The following CEND1 variants were observed in gnomAD, a reference collection of about 807,000 sequenced individuals.
The protein encoded by CEND1 is cell cycle exit and neuronal differentiation protein 1.
A neutral mutation model predicts 4.4 loss-of-function variants in CEND1; 1 was observed. The observed-to-expected ratio is 0.23, with a 90% CI of 0.08 to 1.09. The LOEUF is 1.09. Ranked by LOEUF, CEND1 falls within the 50% of genes least tolerant of loss-of-function variation. The pLI, the probability that CEND1 is intolerant of heterozygous loss-of-function variation, is 0.55. For missense variants in CEND1, 213 were observed against 201.2 expected (o/e 1.06, Z -0.35); for synonymous variants, 109 against 93.0 (o/e 1.17, Z -0.99).
In CEND1 at chr11:788,232, A is replaced by G. The variant is rs777642486; in HGVS notation, c.345T>C (p.Gly115=). The G allele has an allele frequency of 6.8e-6, 11 of 1,609,188 alleles. No homozygotes were observed. The highest frequency in any genetic ancestry group is 9.3e-6 in the Non-Finnish European group (11 of 1,178,568). Residue 115 remains glycine (G), a synonymous_variant, in exon 2 of 2, where the codon GGT becomes GGC. Coordinates refer to ENST00000330106, the MANE Select transcript of CEND1 (RefSeq NM_016564.4). ...EAASGGPGGR[G]PWSCENFNPL... ...GGTTGAAGTTCTCACAGGACCAGGG[A>G]CCTCGGCCCCCAGGCCCCCCACTGG...
rs760194067 is a variant in CEND1 at position 788,426 on chromosome 11, G to T, written c.151C>A (p.Pro51Thr). The change falls in exon 2 of 2, where the codon CCG (proline) becomes ACG (threonine). Residue 51 changes from proline (P) to threonine (T), a missense_variant. Pro to Thr is a conservative substitution (Grantham distance 38). Coordinates refer to ENST00000330106, the MANE Select transcript of CEND1 (RefSeq NM_016564.4). ...KKEAPAEKQQ[P>T]PAAPTTAPAK... ...GGTGCCGTGGTGGGGGCTGCTGGCG[G>T]CTGCTGCTTCTCGGCCGGGGCCTCC... 1.3e-6 allele frequency: 2 copies of T among 1,584,196 alleles called. No individual in the cohort carries two copies. Among genetic ancestry groups the T allele is most frequent in the Non-Finnish European group, 1.7e-6 (2 of 1,162,302 alleles).
intron 1 of CEND1, 106 bp from the exon 2 acceptor site, chr11:788,764 A>T: frequency 2.2e-6 from 1 of 455,800 alleles, no homozygotes; most frequent in East Asian, 3.4e-5. Flanking sequence ...GACTCTCTGG[A>T]GCCCCAGCTC....
In CEND1 at chr11:787,987, C is replaced by T. The variant is rs909756170; in HGVS notation, c.*140G>A. On this transcript the variant is annotated 3_prime_UTR_variant, in exon 2 of 2. Transcript: ENST00000330106. Reference sequence around the variant, plus strand: ...GGGTGGGCTCGGGCGTCCTCTTCACCGTGCGCGTGTGTTGGGGGCGTATGT... The same window carrying T: ...GGGTGGGCTCGGGCGTCCTCTTCACTGTGCGCGTGTGTTGGGGGCGTATGT... 9 of 633,598 alleles carry T rather than the reference C, an allele frequency of 1.4e-5. No individual in the cohort carries two copies. Among genetic ancestry groups the T allele is most frequent in the Non-Finnish European group, 1.7e-5 (7 of 416,520 alleles). The allele number at this position is 633,598 out of a possible 1,614,324, so 39.2% of individuals were successfully genotyped here.
Position 787,997 on chromosome 11 carries a change from T to G in CEND1, c.*130A>C. 1.5e-6 allele frequency: 1 copy of G among 676,044 alleles called. No individual in the cohort carries two copies. Among genetic ancestry groups the G allele is most frequent in the Non-Finnish European group, 2.2e-6 (1 of 451,170 alleles). 41.9% of individuals were successfully genotyped at this position (676,044 alleles called of 1,614,324 possible). A position where few individuals can be genotyped will look rare whatever the true frequency, so the allele number is the denominator to read the frequency against. ...GGGCGTCCTCTTCACCGTGCGCGTG[T>G]GTTGGGGGCGTATGTAGGTGTGTAA... On this transcript the variant is annotated 3_prime_UTR_variant, in exon 2 of 2. Coordinates refer to ENST00000330106, the MANE Select transcript of CEND1 (RefSeq NM_016564.4).
chr11:787,767 C>T lies in CEND1; in HGVS notation c.*360G>A, dbSNP rs978492305. 5 of 180,884 alleles carry T rather than the reference C, an allele frequency of 2.8e-5. No homozygotes were observed. The highest frequency in any genetic ancestry group is 1.9e-4 in the South Asian group (1 of 5,168). 11.2% of individuals were successfully genotyped at this position (180,884 alleles called of 1,614,324 possible). A position where few individuals can be genotyped will look rare whatever the true frequency, so the allele number is the denominator to read the frequency against. On this transcript the variant is annotated 3_prime_UTR_variant, in exon 2 of 2. Coordinates refer to ENST00000330106, the MANE Select transcript of CEND1 (RefSeq NM_016564.4). The stretch of plus-strand genomic sequence containing the variant: ...GGCCGGGCCCAGGCCCAACCCATCC[C>T]GGCACCCCCACCTGCACTCAGACCA...
In CEND1 at chr11:788,347, T is replaced by G. The variant is rs1864385445; in HGVS notation, c.230A>C (p.Asn77Thr). Reference protein sequence around the residue: ...ADPALLNNHSNLKPAPTVPSS... With the variant: ...ADPALLNNHSTLKPAPTVPSS... The stretch of plus-strand genomic sequence containing the variant: ...GGGGACCGTGGGGGCTGGCTTCAGG[T>G]TGCTGTGGTTGTTGAGAAGGGCAGG... The change falls in exon 2 of 2, where the codon AAC becomes ACC. Residue 77 changes from asparagine to threonine, a missense_variant. Physicochemically the swap from Asn to Thr is moderately conservative, Grantham distance 65. Transcript: ENST00000330106. The G allele has an allele frequency of 6.2e-7, 1 of 1,602,790 alleles. No individual in the cohort carries two copies. Among genetic ancestry groups the G allele is most frequent in the African/African-American group, 1.3e-5 (1 of 74,550 alleles).
chr11:789,125 C>T (rs1289547410), intron 1 of CEND1, among the ~76,000 whole-genome samples: 1 of 152,068 alleles, frequency 6.6e-6, no homozygotes, highest in African/African-American at 2.4e-5. Flanking sequence ...AGCACGGAGG[C>T]TGTGACCTGG....
chr11:788,914 T>C (rs1864399031), intron 1 of CEND1, among the ~76,000 whole-genome samples: 1 of 151,950 alleles, frequency 6.6e-6, no homozygotes, highest in Non-Finnish European at 1.5e-5. Context: ...CCCACTGTGC[T>C]CCATAAAATG....
intron 1 of CEND1, 117 bp downstream of exon 1, chr11:789,913 G>A (rs1864424947): frequency 6.5e-6 from 1 of 152,912 alleles, no homozygotes; most frequent in Non-Finnish European, 1.5e-5. Context: ...GAGCCCTGGA[G>A]AACTGGGGGG....
At position 788,466 on chromosome 11, in the gene CEND1, G is replaced by T. The variant is rs138253099; in HGVS notation, c.111C>A (p.Thr37=). ...PPAADGKAPL[T]KPSKKEAPAE... is the part of the protein sequence containing the mutation. ...CCGGGGCCTCCTTCTTCGAGGGCTT[G>T]GTCAAGGGGGCTTTCCCATCGGCTG... The change falls in exon 2 of 2, where the codon ACC becomes ACA. Residue 37 remains threonine (T), a synonymous_variant. Transcript: ENST00000330106. The T allele has an allele frequency of 1.8e-5, 28 of 1,562,928 alleles. No homozygotes were observed. Among genetic ancestry groups the T allele is most frequent in the Non-Finnish European group, 2.1e-5 (24 of 1,152,752 alleles).
chr11:788,313 G>A lies in CEND1; in HGVS notation c.264C>T (p.Pro88=), dbSNP rs778304161. The part of the protein sequence containing the change: ...LKPAPTVPSS[P]DATPEPKGPG... ...GACCCTTGGGCTCCGGGGTTGCATC[G>A]GGACTGCTGGGGACCGTGGGGGCTG... The change falls in exon 2 of 2, where the codon CCC becomes CCT. Residue 88 remains proline, a synonymous_variant. Coordinates refer to ENST00000330106, the MANE Select transcript of CEND1 (RefSeq NM_016564.4). 19 of 1,606,280 alleles carry A rather than the reference G, an allele frequency of 1.2e-5. No individual in the cohort carries two copies. The East Asian group carries it at 1.8e-4, about 15-fold the overall frequency.
At chr11:788,739 C>T (rs1415209623) in intron 1 of CEND1, 81 bp from the exon 2 acceptor site, 3 of 557,498 alleles carry the variant, frequency 5.4e-6, no homozygotes, top group Admixed American at 3.7e-5. Flanking sequence ...CAGGCAGCCC[C>T]TGCCCAGTTC....
rs374775586 is a variant in CEND1 at position 788,236 on chromosome 11, C to T, written c.341G>A (p.Arg114Gln). ...DEAASGGPGG[R>Q]GPWSCENFNP... ...GAAGTTCTCACAGGACCAGGGACCT[C>T]GGCCCCCAGGCCCCCCACTGGCAGC... The change falls in exon 2 of 2, where the codon CGA becomes CAA. Residue 114 changes from arginine to glutamine, a missense_variant. Physicochemically the swap from Arg to Gln is conservative, Grantham distance 43. Transcript: ENST00000330106. 1.7e-5 allele frequency: 28 copies of T among 1,610,298 alleles called. No homozygotes were observed. The African/African-American group carries it at 2.5e-4, about 15-fold the overall frequency.
rs916711504 is a variant in CEND1, at chr11:788,020, TAATG to T, written c.*103_*106del. The T allele has an allele frequency of 1.1e-6, 1 of 884,430 alleles. No individual in the cohort carries two copies. Among genetic ancestry groups the T allele is most frequent in the Non-Finnish European group, 1.6e-6 (1 of 613,084 alleles). 54.8% of individuals were successfully genotyped at this position (884,430 alleles called of 1,614,324 possible). ...TGTGTTGGGGGCGTATGTAGGTGTG[TAATG>T]AATGTGCGTGTGTACGAATAGGTAA... On this transcript the variant is annotated 3_prime_UTR_variant, in exon 2 of 2. Transcript: ENST00000330106.
Position 788,523 on chromosome 11 carries a change from G to A in CEND1, c.54C>T (p.Pro18=), listed in dbSNP as rs753848635. The A allele has an allele frequency of 1.3e-6, 2 of 1,524,874 alleles. No homozygotes were observed. Among genetic ancestry groups the A allele is most frequent in the Admixed American group, 2.2e-5 (1 of 46,306 alleles). The allele number at this position is 1,524,874 out of a possible 1,614,324, so 94.5% of individuals were successfully genotyped here. A position where few individuals can be genotyped will look rare whatever the true frequency, so the allele number is the denominator to read the frequency against. ...ASSPKPDTKV[P]QVTTEAKVPP... ...GTACCTTGGCCTCGGTGGTGACCTG[G>A]GGCACCTTGGTGTCGGGCTTGGGGC... Residue 18 remains proline, a synonymous_variant, in exon 2 of 2, where the codon CCC becomes CCT. Coordinates refer to ENST00000330106, the MANE Select transcript of CEND1 (RefSeq NM_016564.4).
At position 787,923 on chromosome 11, in the gene CEND1, C is replaced by T. The variant is rs1177508693; in HGVS notation, c.*204G>A. 9.8e-6 allele frequency: 4 copies of T among 410,042 alleles called. No individual in the cohort carries two copies. Among genetic ancestry groups the T allele is most frequent in the South Asian group, 9.5e-5 (1 of 10,560 alleles). The allele number at this position is 410,042 out of a possible 1,614,324, so 25.4% of individuals were successfully genotyped here. On this transcript the variant is annotated 3_prime_UTR_variant, in exon 2 of 2. Transcript: ENST00000330106. The stretch of plus-strand genomic sequence containing the variant: ...TGCTGTGGACCCCGGAGCCTGGGCT[C>T]TTTCTGCCCTGGAGGTTGGGGAAGT...
rs1342165351 is a variant in CEND1, at chr11:788,249, C to T, written c.328G>A (p.Gly110Arg). The change falls in exon 2 of 2, where the codon GGG becomes AGG. Residue 110 changes from glycine (G) to arginine (R), a missense_variant. Physicochemically the swap from Gly to Arg is moderately radical, Grantham distance 125 (BLOSUM62 -2). Coordinates refer to ENST00000330106, the MANE Select transcript of CEND1 (RefSeq NM_016564.4). The stretch of plus-strand genomic sequence containing the variant: ...GACCAGGGACCTCGGCCCCCAGGCC[C>T]CCCACTGGCAGCCTCATCTTCCTCC... ...GAEEDEAASG[G>R]PGGRGPWSCE... 4 of 1,611,446 alleles carry T rather than the reference C, an allele frequency of 2.5e-6. No individual in the cohort carries two copies. The South Asian group carries it at 4.4e-5, about 18-fold the overall frequency.
At chr11:788,907 ACTGTGCTCCATAAAATGG>A (rs1293241028) in intron 1 of CEND1, among the ~76,000 whole-genome samples, 1 of 152,020 alleles carries the variant, frequency 6.6e-6, no homozygotes, top group African/African-American at 2.4e-5. Flanking sequence ...AGGGGACCCC[ACTGTGCTCCATAAAATGG>A]CCCATGCAAA....
chr11:790,040 G>A lies in CEND1; in HGVS notation c.-93C>T, dbSNP rs1054743816. On this transcript the variant is annotated 5_prime_UTR_variant, in exon 1 of 2. Coordinates refer to ENST00000330106, the MANE Select transcript of CEND1 (RefSeq NM_016564.4). ...AGCCCCCCGCCTTACGCGTCCTCCGGCCTCCCCGGGGCTGCGCGCTCCTCC... is the reference window on the plus strand; with the variant it reads ...AGCCCCCCGCCTTACGCGTCCTCCGACCTCCCCGGGGCTGCGCGCTCCTCC... 2.0e-5 allele frequency: 3 copies of A among 152,632 alleles called. No individual in the cohort carries two copies. Among genetic ancestry groups the A allele is most frequent in the African/African-American group, 7.3e-5 (3 of 41,340 alleles). The allele number at this position is 152,632 out of a possible 1,614,324, so 9.5% of individuals were successfully genotyped here.
Sources: gnomAD v4.1 joint callset for allele counts (sites outside exome capture counted in the v4.1 genomes callset) on GRCh38, gnomAD v4.1.1 for gene constraint, MANE v1.5 for transcripts, NCBI Gene and HGNC (gene_info 2026-07-23, HGNC 2026-07-21) for gene names.